Variants in SRGAP1 observed in about 807,000 individuals in gnomAD.
SRGAP1 encodes the protein SLIT-ROBO Rho GTPase activating protein 1.
In SRGAP1, 43 loss-of-function variants were observed where a neutral mutation model predicts 121.9. The observed-to-expected ratio is 0.35, with a 90% CI of 0.28 to 0.46. The LOEUF (loss-of-function observed/expected upper bound fraction) is 0.46, where lower values mean the gene tolerates loss of function less well. Ranked by LOEUF, SRGAP1 falls within the 20% of genes least tolerant of loss-of-function variation. The pLI, the probability that SRGAP1 is intolerant of heterozygous loss-of-function variation, is 1.00. For synonymous variants in SRGAP1, 447 were observed against 485.4 expected (o/e 0.92, Z 1.04); for missense variants, 1,102 against 1,350.9 (o/e 0.82, Z 2.89).
At chr12:64,057,435 C>G (rs1467870762) in intron 6 of SRGAP1, among the ~76,000 whole-genome samples, 1 of 152,094 alleles carries the variant, frequency 6.6e-6, no homozygotes, top group Non-Finnish European at 1.5e-5. Flanking sequence ...TTTGTGGTAT[C>G]TAGGGTGAAA....
chr12:64,047,639 C>T (rs938863456), intron 6 of SRGAP1, among the ~76,000 whole-genome samples: 1 of 152,084 alleles, frequency 6.6e-6, no homozygotes, highest in African/African-American at 2.4e-5. Context: ...TATAAACCCC[C>T]AGTTTCCTTT....
At position 63,929,652 on chromosome 12, in the gene SRGAP1, A is replaced by G. The variant is rs191153736; in HGVS notation, c.68-54295A>G. ...ATCATAATTATATAGTCAGTTTCCA[A>G]TAATTCTGACACTGTGTAACAGGCG... On this transcript the variant is annotated intron_variant, in intron 1 of 21. Coordinates refer to ENST00000355086, the MANE Select transcript of SRGAP1 (RefSeq NM_020762.4). Among the ~76,000 whole-genome samples the G allele has an allele frequency of 1.7e-4, 26 of 151,906 alleles. No homozygotes were observed. In the East Asian group the frequency reaches 4.6e-3, roughly 27 times the overall value.
intron 3 of SRGAP1, among the ~76,000 whole-genome samples, chr12:63,994,604 AAG>A (rs1309346434): frequency 6.6e-6 from 1 of 152,208 alleles, no homozygotes; most frequent in Admixed American, 6.5e-5. Flanking sequence ...CATTCAACAA[AAG>A]AGTTATTTAA....
chr12:64,139,043 G>A (rs1262155835), intron 21 of SRGAP1, among the ~76,000 whole-genome samples: 1 of 152,162 alleles, frequency 6.6e-6, no homozygotes, highest in African/African-American at 2.4e-5. Flanking sequence ...CTAGGCTCAG[G>A]TTCTTAACAA....
intron 1 of SRGAP1, among the ~76,000 whole-genome samples, chr12:63,916,303 G>A (rs55703663): frequency 0.02 from 2,971 of 152,170 alleles, 52 homozygotes; most frequent in Non-Finnish European, 0.026. Flanking sequence ...GGGATTACAG[G>A]CATGAGCCAC....
chr12:64,052,260 A>T (rs1338798055), intron 6 of SRGAP1, among the ~76,000 whole-genome samples: 1 of 151,874 alleles, frequency 6.6e-6, no homozygotes, highest in Non-Finnish European at 1.5e-5. Context: ...CAGTAACATT[A>T]AAAGGAACAT....
intron 4 of SRGAP1, among the ~76,000 whole-genome samples, chr12:64,038,056 C>T (rs946181746): frequency 1.3e-5 from 2 of 152,140 alleles, no homozygotes; most frequent in Non-Finnish European, 2.9e-5. Context: ...GTCTGGGTTC[C>T]CACCATTGCT....
At chr12:64,003,004 G>C (rs939856146) in intron 3 of SRGAP1, among the ~76,000 whole-genome samples, 5 of 147,482 alleles carry the variant, frequency 3.4e-5, no homozygotes, top group African/African-American at 1.3e-4. Flanking sequence ...AAAGATCTTG[G>C]GGGGGGTGTG....
At chr12:64,103,893 A>G (rs2136604851) in intron 15 of SRGAP1, among the ~76,000 whole-genome samples, 1 of 152,324 alleles carries the variant, frequency 6.6e-6, no homozygotes, top group South Asian at 2.1e-4. Context: ...ACACCTTGAC[A>G]TTGTTAGTGT....
intron 6 of SRGAP1, among the ~76,000 whole-genome samples, chr12:64,057,017 C>G (rs939243329): frequency 6.6e-6 from 1 of 152,124 alleles, no homozygotes; most frequent in South Asian, 2.1e-4. Flanking sequence ...TTATTTGATT[C>G]AGGCTGGTTA....
At position 64,080,384 on chromosome 12, in the gene SRGAP1, AATGT is replaced by A. The variant is rs780695734; in HGVS notation, c.1408+18_1408+21del. ...CCCTGGGAGAAGGTGAGTTATCCAA[AATGT>A]ATGGGAAGATGACCTGGATGATACA... On this transcript the variant is annotated intron_variant, in intron 10 of 21. Transcript: ENST00000355086. 1.9e-6 allele frequency: 3 copies of A among 1,590,744 alleles called. No individual in the cohort carries two copies. Among genetic ancestry groups the A allele is most frequent in the Admixed American group, 1.7e-5 (1 of 59,948 alleles).
chr12:63,848,007 TTATATATA>T (rs564914474), intron 1 of SRGAP1, among the ~76,000 whole-genome samples: 1 of 145,980 alleles, frequency 6.9e-6, no homozygotes, highest in African/African-American at 2.6e-5. Flanking sequence ...AATTTTTATT[TTATATATA>T]TATATATATA....
intron 10 of SRGAP1, among the ~76,000 whole-genome samples, chr12:64,083,273 C>T (rs2035879285): frequency 6.6e-6 from 1 of 152,074 alleles, no homozygotes; most frequent in African/African-American, 2.4e-5. Flanking sequence ...TAGAAATCAC[C>T]TCTCTGAAGT....
chr12:64,041,107 A>G (rs1011887566), intron 4 of SRGAP1, among the ~76,000 whole-genome samples: 1 of 152,132 alleles, frequency 6.6e-6, no homozygotes, highest in East Asian at 1.9e-4. Flanking sequence ...TTAGATATAC[A>G]TCAAAGGTTT....
chr12:64,118,789 T>G (rs569742933), intron 18 of SRGAP1, among the ~76,000 whole-genome samples: 16 of 152,234 alleles, frequency 1.1e-4, no homozygotes, highest in African/African-American at 3.4e-4. Context: ...TGGCATGATC[T>G]CAGCTCACTG....
chr12:63,976,691 A>G (rs930386004), intron 1 of SRGAP1, among the ~76,000 whole-genome samples: 5 of 152,214 alleles, frequency 3.3e-5, no homozygotes, highest in African/African-American at 1.2e-4. Flanking sequence ...CTTTTCACTT[A>G]TATCATCTCA....
At position 64,149,065 on chromosome 12, in the gene SRGAP1, C is replaced by T. The variant is rs1309351375; in HGVS notation, c.*6393C>T. 1 of 152,130 alleles carries T rather than the reference C, an allele frequency of 6.6e-6. No homozygotes were observed. The highest frequency in any genetic ancestry group is 1.5e-5 in the Non-Finnish European group (1 of 68,022). The allele number at this position is 152,130 out of a possible 1,614,324, so 9.4% of individuals were successfully genotyped here. A position where few individuals can be genotyped will look rare whatever the true frequency, so the allele number is the denominator to read the frequency against. ...TCCATTTTTACTGCTATATAGAATT[C>T]CATTACATGAATATGCTCAATATTA... On this transcript the variant is annotated 3_prime_UTR_variant, in exon 22 of 22. Transcript: ENST00000355086.
intron 1 of SRGAP1, among the ~76,000 whole-genome samples, chr12:63,913,603 T>C (rs1471032565): frequency 6.6e-6 from 1 of 150,944 alleles, no homozygotes; most frequent in Non-Finnish European, 1.5e-5. Context: ...AGCTTTTTCT[T>C]AGATGAACTT....
chr12:64,010,090 TA>T (rs2034207400), intron 3 of SRGAP1, among the ~76,000 whole-genome samples: 1 of 152,156 alleles, frequency 6.6e-6, no homozygotes. Context: ...CTGATCCCTT[TA>T]ACCAGAATTT....
Sources: allele counts gnomAD v4.1 joint callset (sites outside exome capture counted in the v4.1 genomes callset), GRCh38; gene constraint gnomAD v4.1.1; transcripts MANE v1.5; gene names NCBI Gene and HGNC (gene_info 2026-07-23, HGNC 2026-07-21).